ST8SIA5: variants seen among roughly 807,000 people sequenced by gnomAD.
ST8SIA5 encodes the protein alpha-2,8-sialyltransferase 8E.
ST8SIA5 carries 24 observed loss-of-function variants against 40.2 expected under a neutral mutation model. The observed-to-expected ratio is 0.60, with a 90% CI of 0.43 to 0.84. The LOEUF is 0.84. Among genes scored for constraint, ST8SIA5 ranks in the 40% least tolerant of loss-of-function variants. The pLI is 0.00. For synonymous variants in ST8SIA5, 198 were observed against 201.8 expected, an observed-to-expected ratio of 0.98 and a Z score of 0.16; for missense variants, 465 against 498.5, an observed-to-expected ratio of 0.93 and a Z score of 0.64.
chr18:46,718,329 CAAAA>C (rs34073971), intron 1 of ST8SIA5, among the ~76,000 whole-genome samples: 1 of 128,670 alleles, frequency 7.8e-6, no homozygotes. Context: ...AACTCTGTCT[CAAAA>C]AAAAAAAAAA....
At chr18:46,724,899 C>T (rs1428438059) in intron 1 of ST8SIA5, among the ~76,000 whole-genome samples, 2 of 151,646 alleles carry the variant, frequency 1.3e-5, no homozygotes, top group Admixed American at 6.6e-5. Flanking sequence ...CACTTGAACC[C>T]GGGAGGCAGA....
At chr18:46,725,959 T>TAA (rs72220502) in intron 1 of ST8SIA5, among the ~76,000 whole-genome samples, 190 of 17,168 alleles carry the variant, frequency 0.011, 17 homozygotes, top group African/African-American at 0.02. Flanking sequence ...CATCTCTACT[T>TAA]AAAAAAAAAA....
chr18:46,755,151 G>C (rs1023511213), intron 1 of ST8SIA5, among the ~76,000 whole-genome samples: 1 of 152,186 alleles, frequency 6.6e-6, no homozygotes, highest in Non-Finnish European at 1.5e-5. Context: ...AGCTCCGGGG[G>C]AGTTACAAGG....
At chr18:46,752,516 G>C (rs545526205) in intron 1 of ST8SIA5, among the ~76,000 whole-genome samples, 94 of 152,264 alleles carry the variant, frequency 6.2e-4, no homozygotes, top group Non-Finnish European at 1.1e-3. Context: ...CTCCATTAGA[G>C]ACACTGAGCC....
chr18:46,731,203 G>A (rs1030254850), intron 1 of ST8SIA5, among the ~76,000 whole-genome samples: 1 of 152,182 alleles, frequency 6.6e-6, no homozygotes, highest in Non-Finnish European at 1.5e-5. Flanking sequence ...TGAGCACTAC[G>A]TTCTGATTTA....
At chr18:46,736,080 A>G (rs1230625694) in intron 1 of ST8SIA5, among the ~76,000 whole-genome samples, 1 of 152,222 alleles carries the variant, frequency 6.6e-6, no homozygotes, top group Non-Finnish European at 1.5e-5. Context: ...TAATATACTT[A>G]TTCTAACCTA....
chr18:46,716,086 G>GGATGGATAGATA (rs377209912), intron 1 of ST8SIA5, among the ~76,000 whole-genome samples: 92 of 139,774 alleles, frequency 6.6e-4, no homozygotes, highest in Middle Eastern at 3.5e-3. Flanking sequence ...GAGTCACACA[G>GGATGGATAGATA]GATAGATAGA....
intron 3 of ST8SIA5, among the ~76,000 whole-genome samples, chr18:46,690,133 T>G (rs561519074): frequency 6.6e-6 from 1 of 152,188 alleles, no homozygotes; most frequent in South Asian, 2.1e-4. Context: ...TGGAGATCAC[T>G]CCTATTGAGG....
chr18:46,730,051 G>A (rs1412719454), intron 1 of ST8SIA5, among the ~76,000 whole-genome samples: 1 of 152,196 alleles, frequency 6.6e-6, no homozygotes, highest in Non-Finnish European at 1.5e-5. Flanking sequence ...GTGCCAGTTT[G>A]ATGAGGGAGA....
In ST8SIA5 at chr18:46,730,251, G is replaced by A. The variant is rs144271957; in HGVS notation, c.132-25587C>T. ...TAGAGATTCTTGGATAGGGGGGCTC[G>A]CATTCCACCATTCACTAGCAGTGTG... On this transcript the variant is annotated intron_variant, in intron 1 of 6. Transcript: ENST00000315087. The A allele has an allele frequency of 2.0e-5, 20 of 985,278 alleles. No individual in the cohort carries two copies. In the East Asian group the frequency reaches 1.5e-3, roughly 73 times the overall value. The allele number at this position is 985,278 out of a possible 1,614,324, so 61.0% of individuals were successfully genotyped here.
chr18:46,737,893 C>G (rs968821680), intron 1 of ST8SIA5, among the ~76,000 whole-genome samples: 3 of 151,998 alleles, frequency 2.0e-5, no homozygotes, highest in Admixed American at 2.0e-4. Flanking sequence ...GCCTCAGCCT[C>G]CTGAGGAGCT....
In ST8SIA5 at chr18:46,677,797, A is replaced by G. The variant is rs2039350033; in HGVS notation, c.*2245T>C. The stretch of plus-strand genomic sequence containing the variant: ...AATCCTGATGTCTGTGTCACCAGGG[A>G]GCCTCCCCCAAACACTGCCCATCTG... On this transcript the variant is annotated 3_prime_UTR_variant, in exon 7 of 7. Coordinates refer to ENST00000315087, the MANE Select transcript of ST8SIA5 (RefSeq NM_013305.6). 6.6e-6 allele frequency: 1 copy of G among 152,198 alleles called. No individual in the cohort carries two copies. Among genetic ancestry groups the G allele is most frequent in the South Asian group, 2.1e-4 (1 of 4,822 alleles). 9.4% of individuals were successfully genotyped at this position (152,198 alleles called of 1,614,324 possible). A position where few individuals can be genotyped will look rare whatever the true frequency, so the allele number is the denominator to read the frequency against.
chr18:46,682,110 G>T, intron 5 of ST8SIA5, 46 bp from the exon 6 acceptor site: 2 of 1,504,790 alleles, frequency 1.3e-6, no homozygotes, highest in Non-Finnish European at 1.8e-6. Flanking sequence ...CATTCAATAG[G>T]TCAGGCTGGG....
At chr18:46,712,514 G>C (rs2039743379) in intron 1 of ST8SIA5, among the ~76,000 whole-genome samples, 1 of 152,170 alleles carries the variant, frequency 6.6e-6, no homozygotes, top group East Asian at 1.9e-4. Flanking sequence ...TCAGCCCAGG[G>C]GTCAGCTTCC....
At chr18:46,721,810 A>C (rs945609236) in intron 1 of ST8SIA5, among the ~76,000 whole-genome samples, 4 of 152,158 alleles carry the variant, frequency 2.6e-5, no homozygotes, top group Admixed American at 2.6e-4. Flanking sequence ...CCTCCAGTTA[A>C]ACCAAAAGAG....
intron 2 of ST8SIA5, among the ~76,000 whole-genome samples, chr18:46,697,399 G>T (rs185631931): frequency 7.5e-4 from 114 of 152,272 alleles, no homozygotes; most frequent in Middle Eastern, 6.8e-3. Context: ...GAACTCTTGT[G>T]GGGGAGGGGT....
rs1384599382 is a variant in ST8SIA5, at chr18:46,673,346, A to G, written c.*6696T>C. 1 of 152,148 alleles carries G rather than the reference A, an allele frequency of 6.6e-6. No homozygotes were observed. The allele number at this position is 152,148 out of a possible 1,614,324, so 9.4% of individuals were successfully genotyped here. On this transcript the variant is annotated 3_prime_UTR_variant, in exon 7 of 7. Coordinates refer to ENST00000315087, the MANE Select transcript of ST8SIA5 (RefSeq NM_013305.6). ...TGTTGCTAGGTACATAGTGGGTTATATATTATATTTGTATGTACAGAAAAG... is the reference window on the plus strand; with the variant it reads ...TGTTGCTAGGTACATAGTGGGTTATGTATTATATTTGTATGTACAGAAAAG...
chr18:46,728,508 G>C (rs1028953863), intron 1 of ST8SIA5, among the ~76,000 whole-genome samples: 5 of 152,246 alleles, frequency 3.3e-5, no homozygotes, highest in African/African-American at 1.2e-4. Flanking sequence ...AATCTATGGG[G>C]CACAGGGCAT....
At position 46,751,978 on chromosome 18, in the gene ST8SIA5, C is replaced by T. The variant is rs535243073; in HGVS notation, c.131+4400G>A. Among the ~76,000 whole-genome samples, 13 of 152,266 alleles carry T rather than the reference C, an allele frequency of 8.5e-5. No homozygotes were observed. In the South Asian group the frequency reaches 2.3e-3, roughly 27 times the overall value. ...CCAGACCCACAGCTGTCACCCTCCC[C>T]GCTCCCTCCCAGACACGCCATCCTC... is the stretch of plus-strand genomic sequence containing the variant. On this transcript the variant is annotated intron_variant, in intron 1 of 6. Transcript: ENST00000315087.
Sources: allele counts gnomAD v4.1 joint callset (sites outside exome capture counted in the v4.1 genomes callset), GRCh38; gene constraint gnomAD v4.1.1; transcripts MANE v1.5; gene names NCBI Gene and HGNC (gene_info 2026-07-23, HGNC 2026-07-21).